Variants in MB21D2 observed in about 807,000 individuals in gnomAD.
MB21D2 encodes nucleotidyltransferase MB21D2.
Under a neutral mutation model 33.3 loss-of-function variants are expected in MB21D2, and 9 were observed. The observed-to-expected ratio is 0.27, with a 90% CI of 0.16 to 0.47. The LOEUF is 0.47. Among genes scored for constraint, MB21D2 ranks in the 20% least tolerant of loss-of-function variants. The probability of loss-of-function intolerance (pLI) is 0.99; values close to 1 mark genes in which losing one functional copy is unlikely to be tolerated. For synonymous variants in MB21D2, 241 were observed against 236.3 expected (o/e 1.02, Z -0.18); for missense variants, 540 against 624.6 (o/e 0.86, Z 1.44).
At chr3:192,905,702 G>A (rs991364913) in intron 1 of MB21D2, among the ~76,000 whole-genome samples, 7 of 148,430 alleles carry the variant, frequency 4.7e-5, no homozygotes, top group African/African-American at 1.8e-4. Flanking sequence ...ATGGAGGTGT[G>A]TGTGCCTGTA....
rs189341874 is a variant in MB21D2, at chr3:192,845,125, C to T, written c.212-45475G>A. 6.8e-4 allele frequency among the ~76,000 whole-genome samples: 103 copies of T among 152,284 alleles called. 1 individual carries two copies. The highest frequency in any genetic ancestry group is 3.4e-3 in the Middle Eastern group (1 of 294). ...CATTGTCTCACTTCCTTGGGAAACT[C>T]GGAAGTTGCAGACTAAATGATGAAG... On this transcript the variant is annotated intron_variant, in intron 1 of 1. Transcript: ENST00000392452.
At chr3:192,896,042 A>G (rs768533890) in intron 1 of MB21D2, among the ~76,000 whole-genome samples, 2 of 152,240 alleles carry the variant, frequency 1.3e-5, no homozygotes, top group Non-Finnish European at 2.9e-5. Flanking sequence ...AAAAACGTGG[A>G]AGAGAAGAGC....
intron 1 of MB21D2, among the ~76,000 whole-genome samples, chr3:192,869,914 T>C (rs6783864): frequency 0.59 from 90,348 of 152,070 alleles, 28,251 homozygotes; most frequent in African/African-American, 0.78. Context: ...CTTCAGCCTT[T>C]AAATTATATT....
intron 1 of MB21D2, among the ~76,000 whole-genome samples, chr3:192,884,086 C>T (rs1009191077): frequency 6.6e-6 from 1 of 151,960 alleles, no homozygotes; most frequent in African/African-American, 2.4e-5. Context: ...AAGCCATGTC[C>T]GAAGCCCTTG....
At chr3:192,825,882 G>C (rs1438885830) in intron 1 of MB21D2, among the ~76,000 whole-genome samples, 1 of 152,254 alleles carries the variant, frequency 6.6e-6, no homozygotes, top group East Asian at 1.9e-4. Flanking sequence ...GAATAAACAA[G>C]ATGTTGGCAG....
At chr3:192,802,895 A>C (rs1261777196) in intron 1 of MB21D2, among the ~76,000 whole-genome samples, 2 of 152,220 alleles carry the variant, frequency 1.3e-5, no homozygotes. Context: ...GAATCTATTA[A>C]AGTGATATTG....
chr3:192,909,638 T>C (rs1452136129), intron 1 of MB21D2, among the ~76,000 whole-genome samples: 1 of 151,866 alleles, frequency 6.6e-6, no homozygotes, highest in Non-Finnish European at 1.5e-5. Flanking sequence ...GGAACTCTGA[T>C]GAAGAGCCTC....
chr3:192,828,603 T>C (rs1192856351), intron 1 of MB21D2, among the ~76,000 whole-genome samples: 45 of 2,524 alleles, frequency 0.018, 8 homozygotes, highest in South Asian at 0.065. Context: ...TATATATATA[T>C]ATATATATAT....
intron 1 of MB21D2, among the ~76,000 whole-genome samples, chr3:192,890,428 T>C (rs1713826171): frequency 6.6e-6 from 1 of 152,068 alleles, no homozygotes; most frequent in South Asian, 2.1e-4. Context: ...GAGCTTGTAC[T>C]TGTCCTTTAA....
chr3:192,860,883 A>G (rs1490892137), intron 1 of MB21D2, among the ~76,000 whole-genome samples: 1 of 152,250 alleles, frequency 6.6e-6, no homozygotes, highest in East Asian at 1.9e-4. Context: ...ACCTTCCTTT[A>G]TTCCATAAAC....
chr3:192,887,476 G>A (rs962362148), intron 1 of MB21D2, among the ~76,000 whole-genome samples: 3 of 152,108 alleles, frequency 2.0e-5, no homozygotes, highest in African/African-American at 7.2e-5. Context: ...TGTGAAGATC[G>A]TAATTTTATG....
chr3:192,885,615 C>G lies in MB21D2; in HGVS notation c.211+32015G>C, dbSNP rs534638414. 2.6e-5 allele frequency among the ~76,000 whole-genome samples: 4 copies of G among 152,202 alleles called. No homozygotes were observed. The East Asian group carries it at 5.8e-4, about 22-fold the overall frequency. On this transcript the variant is annotated intron_variant, in intron 1 of 1. Coordinates refer to ENST00000392452, the MANE Select transcript of MB21D2 (RefSeq NM_178496.4). The stretch of plus-strand genomic sequence containing the variant: ...TCCTTCTCAATCATCTTTAAAACCA[C>G]CATTCGTCTCAGATGGCTCTGAAGT...
intron 1 of MB21D2, among the ~76,000 whole-genome samples, chr3:192,800,951 G>A (rs1353534648): frequency 6.6e-6 from 1 of 152,206 alleles, no homozygotes; most frequent in Admixed American, 6.5e-5. Context: ...CACCATGAGC[G>A]TGACATCTTC....
chr3:192,907,546 C>T (rs552880888), intron 1 of MB21D2, among the ~76,000 whole-genome samples: 9 of 152,230 alleles, frequency 5.9e-5, no homozygotes, highest in South Asian at 4.2e-4. Context: ...CTGTGACCTA[C>T]GAATCAGTCA....
At chr3:192,840,415 CTTT>C (rs71177380) in intron 1 of MB21D2, among the ~76,000 whole-genome samples, 2,057 of 88,218 alleles carry the variant, frequency 0.023, 6 homozygotes, top group Non-Finnish European at 0.028. Context: ...TCTCTTTTTT[CTTT>C]TTTTTTTTTT....
At chr3:192,832,284 T>C (rs1712331343) in intron 1 of MB21D2, among the ~76,000 whole-genome samples, 2 of 152,300 alleles carry the variant, frequency 1.3e-5, no homozygotes, top group African/African-American at 4.8e-5. Context: ...TGGATCAAAC[T>C]GTAATAGAAA....
intron 1 of MB21D2, among the ~76,000 whole-genome samples, chr3:192,863,964 C>T (rs1713107791): frequency 6.6e-6 from 1 of 152,152 alleles, no homozygotes; most frequent in South Asian, 2.1e-4. Context: ...TTTGTTACAG[C>T]AACCTGAATG....
At chr3:192,902,961 C>G (rs1028554344) in intron 1 of MB21D2, among the ~76,000 whole-genome samples, 9 of 152,156 alleles carry the variant, frequency 5.9e-5, no homozygotes, top group Admixed American at 6.6e-5. Context: ...GGAAAGAAAC[C>G]AGAGAGAAAG....
chr3:192,900,565 T>G (rs1416382102), intron 1 of MB21D2, among the ~76,000 whole-genome samples: 1 of 151,324 alleles, frequency 6.6e-6, no homozygotes, highest in African/African-American at 2.4e-5. Context: ...TAAAGCTTCT[T>G]TTTTTTTTCT....
Sources: allele counts gnomAD v4.1 joint callset (sites outside exome capture counted in the v4.1 genomes callset), GRCh38; gene constraint gnomAD v4.1.1; transcripts MANE v1.5; gene names NCBI Gene and HGNC (gene_info 2026-07-23, HGNC 2026-07-21).